EPHB2: variants seen among roughly 807,000 people sequenced by gnomAD.
EPHB2 encodes the protein ephrin type-B receptor 2.
A neutral mutation model predicts 96.4 loss-of-function variants in EPHB2; 18 were observed. The ratio of observed to expected loss-of-function variants is 0.19; its 90% CI spans 0.13 to 0.28. The LOEUF (loss-of-function observed/expected upper bound fraction) is 0.28. EPHB2 is among the 10% of genes least tolerant of loss of function. The pLI is 1.00. For synonymous variants in EPHB2, 506 were observed against 534.1 expected (o/e 0.95, Z 0.72); for missense variants, 989 against 1,355.4 (o/e 0.73, Z 4.25).
intron 5 of EPHB2, among the ~76,000 whole-genome samples, chr1:22,871,452 C>T (rs906123567): frequency 1.3e-5 from 2 of 152,202 alleles, no homozygotes; most frequent in East Asian, 1.9e-4. Flanking sequence ...GCCCCCATCC[C>T]ACATGGCCCC....
chr1:22,713,198 TG>T (rs1643201314), intron 1 of EPHB2, among the ~76,000 whole-genome samples: 1 of 152,094 alleles, frequency 6.6e-6, no homozygotes, highest in African/African-American at 2.4e-5. Context: ...CTCAGGCTCT[TG>T]TTCCGTTTGC....
intron 3 of EPHB2, among the ~76,000 whole-genome samples, chr1:22,832,111 A>AG (rs1339463311): frequency 1.3e-5 from 2 of 152,096 alleles, no homozygotes; most frequent in African/African-American, 2.4e-5. Flanking sequence ...AGCGATGGAG[A>AG]GCCAGAAAGT....
chr1:22,907,009 C>T lies in EPHB2; in HGVS notation c.2136+52C>T, dbSNP rs189039898. 38 of 1,556,432 alleles carry T rather than the reference C, an allele frequency of 2.4e-5. 1 individual carries two copies. The highest frequency in any genetic ancestry group is 2.2e-4 in the South Asian group (18 of 80,794). On this transcript the variant is annotated intron_variant, in intron 11 of 15. Coordinates refer to ENST00000374630, the MANE Select transcript of EPHB2 (RefSeq NM_017449.5). ...CCCATGAATGGGGCAGGAAAAGGAA[C>T]GATGGACATAGCTTCATACTGTCAG...
intron 9 of EPHB2, among the ~76,000 whole-genome samples, chr1:22,898,623 G>A (rs1354859110): frequency 1.3e-5 from 2 of 152,192 alleles, no homozygotes; most frequent in Non-Finnish European, 2.9e-5. Flanking sequence ...TCCAAGTTAC[G>A]GCCTTGGCGG....
intron 3 of EPHB2, among the ~76,000 whole-genome samples, chr1:22,859,308 G>A (rs895922878): frequency 5.5e-5 from 8 of 146,404 alleles, no homozygotes; most frequent in African/African-American, 2.1e-4. Context: ...GGGGGGGGGG[G>A]TATTGTACCT....
intron 1 of EPHB2, among the ~76,000 whole-genome samples, chr1:22,754,073 G>A (rs922489710): frequency 3.3e-5 from 5 of 152,194 alleles, no homozygotes; most frequent in African/African-American, 9.6e-5. Context: ...CAAATCCTGG[G>A]CCTGAGTGTT....
intron 1 of EPHB2, among the ~76,000 whole-genome samples, chr1:22,777,621 C>T (rs1010276079): frequency 1.1e-4 from 17 of 152,300 alleles, no homozygotes; most frequent in African/African-American, 4.1e-4. Context: ...AAAGAGGAAA[C>T]TCAGGGCACC....
chr1:22,765,347 G>A (rs1324742483), intron 1 of EPHB2, among the ~76,000 whole-genome samples: 1 of 151,954 alleles, frequency 6.6e-6, no homozygotes, highest in African/African-American at 2.4e-5. Context: ...AGGAGTTCGA[G>A]ACCAGCCTGG....
intron 3 of EPHB2, among the ~76,000 whole-genome samples, chr1:22,825,054 G>T (rs1474203597): frequency 6.6e-6 from 1 of 152,364 alleles, no homozygotes; most frequent in East Asian, 1.9e-4. Context: ...TAGGTCAGGA[G>T]CATAGTCTGT....
At chr1:22,799,577 G>A (rs1010751568) in intron 3 of EPHB2, among the ~76,000 whole-genome samples, 2 of 152,224 alleles carry the variant, frequency 1.3e-5, no homozygotes, top group Admixed American at 6.5e-5. Flanking sequence ...TGTTTGCCCT[G>A]TTTGACACAG....
At chr1:22,896,382 G>C (rs561040121) in intron 8 of EPHB2, 32 bp from the exon 9 acceptor site, 1 of 1,614,010 alleles carries the variant, frequency 6.2e-7, no homozygotes, top group South Asian at 1.1e-5. Flanking sequence ...GCGCCTTCAG[G>C]TGGCTCCAGC....
chr1:22,882,147 G>C (rs545610182), intron 5 of EPHB2, among the ~76,000 whole-genome samples: 1 of 152,234 alleles, frequency 6.6e-6, no homozygotes, highest in Admixed American at 6.5e-5. Context: ...TGACCTGAAG[G>C]TGCCCCATGA....
At chr1:22,724,027 G>A (rs1192162602) in intron 1 of EPHB2, among the ~76,000 whole-genome samples, 2 of 152,242 alleles carry the variant, frequency 1.3e-5, no homozygotes, top group Non-Finnish European at 2.9e-5. Flanking sequence ...AGTAATGGTA[G>A]AGCTAGGATC....
chr1:22,849,099 CA>C (rs1645585661), intron 3 of EPHB2, among the ~76,000 whole-genome samples: 1 of 152,100 alleles, frequency 6.6e-6, no homozygotes, highest in South Asian at 2.1e-4. Flanking sequence ...GGGTTAAGAG[CA>C]AATGGGTATT....
intron 1 of EPHB2, among the ~76,000 whole-genome samples, chr1:22,727,198 G>C (rs964872369): frequency 1.3e-5 from 2 of 152,364 alleles, no homozygotes; most frequent in Admixed American, 1.3e-4. Flanking sequence ...TGGAGGCCAG[G>C]AGGGGCTATA....
intron 1 of EPHB2, among the ~76,000 whole-genome samples, chr1:22,716,056 A>G (rs1643287177): frequency 6.6e-6 from 1 of 151,940 alleles, no homozygotes; most frequent in Non-Finnish European, 1.5e-5. Context: ...CCCACCCCAC[A>G]AGCTCCCAAC....
chr1:22,714,356 C>T (rs1248305299), intron 1 of EPHB2, among the ~76,000 whole-genome samples: 3 of 152,286 alleles, frequency 2.0e-5, no homozygotes, highest in African/African-American at 7.2e-5. Context: ...GTCATGCTAA[C>T]GAACTGTGTT....
In EPHB2 at chr1:22,790,831, C is replaced by T. The variant is rs562289697; in HGVS notation, c.811+5755C>T. The stretch of plus-strand genomic sequence containing the variant: ...AGCCAGCTCGGGGTGGTTGCACGCA[C>T]ATGTTGATTCGCTGGCTCCAGCTCA... On this transcript the variant is annotated intron_variant, in intron 3 of 15. Transcript: ENST00000374630. This position sits in a 1 kb window ranked among gnomAD's most constrained non-coding sequence, Gnocchi z 4.0. Among the ~76,000 whole-genome samples the T allele has an allele frequency of 2.0e-5, 3 of 152,328 alleles. No individual in the cohort carries two copies. The highest frequency in any genetic ancestry group is 6.5e-5 in the Admixed American group (1 of 15,312).
intron 1 of EPHB2, among the ~76,000 whole-genome samples, chr1:22,740,157 G>A (rs1368216147): frequency 6.6e-6 from 1 of 152,134 alleles, no homozygotes; most frequent in East Asian, 1.9e-4. Flanking sequence ...TTTTTCAGTG[G>A]CACCAATGCA....
Sources: allele counts gnomAD v4.1 joint callset (sites outside exome capture counted in the v4.1 genomes callset), GRCh38; gene constraint gnomAD v4.1.1; non-coding constraint Gnocchi (gnomAD v3.1); transcripts MANE v1.5; gene names NCBI Gene and HGNC (gene_info 2026-07-23, HGNC 2026-07-21).